Variants in IL17RB observed in about 807,000 individuals in gnomAD.
IL17RB encodes interleukin-17 receptor B.
IL17RB carries 36 observed loss-of-function variants against 43.9 expected under a neutral mutation model. The observed-to-expected ratio is 0.82, with a 90% CI of 0.63 to 1.08. The LOEUF is 1.08. Among genes scored for constraint, IL17RB ranks in the 50% least tolerant of loss-of-function variants. The pLI is 0.00. For missense variants in IL17RB, 613 were observed against 613.6 expected, an observed-to-expected ratio of 1.00 and a Z score of 0.01; for synonymous variants, 225 against 225.4, an observed-to-expected ratio of 1.00 and a Z score of 0.02.
rs146382687 is a variant in IL17RB, at chr3:53,865,610, T to C, written c.*302T>C. ...CTTCAGCCAAACATCTAGTCTTCCATAGACCATGCATTGCAGTGTACCCAG... is the reference window on the plus strand; with the variant it reads ...CTTCAGCCAAACATCTAGTCTTCCACAGACCATGCATTGCAGTGTACCCAG... On this transcript the variant is annotated 3_prime_UTR_variant, in exon 11 of 11. Transcript: ENST00000288167. The C allele has an allele frequency of 1.2e-4, 36 of 312,212 alleles. No homozygotes were observed. The highest frequency in any genetic ancestry group is 3.0e-4 in the African/African-American group (14 of 46,908). 19.3% of individuals were successfully genotyped at this position (312,212 alleles called of 1,614,324 possible). A position where few individuals can be genotyped will look rare whatever the true frequency, so the allele number is the denominator to read the frequency against.
intron 7 of IL17RB, 61 bp from the exon 8 acceptor site, chr3:53,857,555 G>C (rs1699386205): frequency 6.7e-7 from 1 of 1,484,774 alleles, no homozygotes; most frequent in African/African-American, 1.4e-5. Context: ...AAAGTGTTGG[G>C]ATTACAGGGG....
chr3:53,852,262 C>T (rs1699178854), intron 4 of IL17RB, 136 bp downstream of exon 4: 2 of 807,276 alleles, frequency 2.5e-6, no homozygotes, highest in East Asian at 2.8e-5. Context: ...CTACTTCAGC[C>T]TCCCAAGCAG....
chr3:53,847,242 C>T (rs1320592178), intron 1 of IL17RB, among the ~76,000 whole-genome samples: 7 of 152,176 alleles, frequency 4.6e-5, no homozygotes, highest in Non-Finnish European at 8.8e-5. Context: ...GCATCAAGCT[C>T]CGTAGTCACC....
At position 53,858,705 on chromosome 3, in the gene IL17RB, T is replaced by C; in HGVS notation, c.748-14T>C. ...GCATGGTGTGAACTTTCTGAGCCTCTTGTTTTTCCTCAGCTGACTCCATAT... is the reference window on the plus strand; with the variant it reads ...GCATGGTGTGAACTTTCTGAGCCTCCTGTTTTTCCTCAGCTGACTCCATAT... On this transcript the variant is annotated splice_polypyrimidine_tract_variant and intron_variant, in intron 8 of 10. Coordinates refer to ENST00000288167, the MANE Select transcript of IL17RB (RefSeq NM_018725.4). 1 of 1,613,212 alleles carries C rather than the reference T, an allele frequency of 6.2e-7. No homozygotes were observed. Among genetic ancestry groups the C allele is most frequent in the South Asian group, 1.1e-5 (1 of 90,982 alleles).
At position 53,865,771 on chromosome 3, in the gene IL17RB, T is replaced by C. The variant is rs6798958; in HGVS notation, c.*463T>C. On this transcript the variant is annotated 3_prime_UTR_variant, in exon 11 of 11. Coordinates refer to ENST00000288167, the MANE Select transcript of IL17RB (RefSeq NM_018725.4). ...ATCATTGTTTTTAAGATAACAAAAG[T>C]AGGGAATAAACAAGCTGAACCCACT... 10,025 of 154,524 alleles carry C rather than the reference T, an allele frequency of 0.065. 748 individuals are homozygous for C. The highest frequency in any genetic ancestry group is 0.17 in the African/African-American group (7,226 of 41,512). The allele number at this position is 154,524 out of a possible 1,614,324, so 9.6% of individuals were successfully genotyped here. A position where few individuals can be genotyped will look rare whatever the true frequency, so the allele number is the denominator to read the frequency against.
At chr3:53,846,723 G>T in intron 1 of IL17RB, 75 bp downstream of exon 1, 1 of 1,456,068 alleles carries the variant, frequency 6.9e-7, no homozygotes, top group Non-Finnish European at 9.3e-7. Context: ...TGATCCGCCA[G>T]TCCAGGCTGC....
At chr3:53,864,695 A>G (rs1300952671) in intron 10 of IL17RB, 51 bp from the exon 11 acceptor site, 14 of 1,359,080 alleles carry the variant, frequency 1.0e-5, no homozygotes, top group Non-Finnish European at 1.3e-5. Flanking sequence ...TACAGAGTGA[A>G]AGCCTGCTGT....
At chr3:53,863,821 A>ATTTTT (rs11318618) in intron 10 of IL17RB, among the ~76,000 whole-genome samples, 1 of 138,316 alleles carries the variant, frequency 7.2e-6, no homozygotes, top group Non-Finnish European at 1.6e-5. Context: ...ACCTCAAAGT[A>ATTTTT]TTTTTTTTTT....
chr3:53,849,229 T>TA (rs1485826841), intron 2 of IL17RB, among the ~76,000 whole-genome samples: 1 of 152,162 alleles, frequency 6.6e-6, no homozygotes, highest in African/African-American at 2.4e-5. Flanking sequence ...TCAAATACAC[T>TA]AAATATATAC....
chr3:53,853,123 T>C, intron 5 of IL17RB, 126 bp downstream of exon 5: 3 of 1,044,356 alleles, frequency 2.9e-6, no homozygotes, highest in Non-Finnish European at 4.4e-6. Context: ...TTCCCTTATC[T>C]AAAGCATGGA....
chr3:53,860,215 A>C lies in IL17RB; in HGVS notation c.933A>C (p.Leu311=). ...ATWVLVAGIY[L]MWRHERIKKT... ...GGGTGCTGGTGGCAGGGATCTATCT[A>C]ATGTGGAGGCACGGTAAGGGTTATA... Residue 311 remains leucine (L), a synonymous_variant, in exon 10 of 11, where the codon CTA becomes CTC. Coordinates refer to ENST00000288167, the MANE Select transcript of IL17RB (RefSeq NM_018725.4). 6.2e-7 allele frequency: 1 copy of C among 1,612,736 alleles called. No individual in the cohort carries two copies. Among genetic ancestry groups the C allele is most frequent in the South Asian group, 1.1e-5 (1 of 90,996 alleles).
chr3:53,851,989 A>G lies in IL17RB; in HGVS notation c.227-10A>G. 1 of 1,614,046 alleles carries G rather than the reference A, an allele frequency of 6.2e-7. No individual in the cohort carries two copies. Among genetic ancestry groups the G allele is most frequent in the Non-Finnish European group, 8.5e-7 (1 of 1,179,992 alleles). Reference sequence around the variant, plus strand: ...TAAATAAACCAATGTCCTCTTGCCTATCTCGGCAGCCAGCATCCGCTTGTT... The same window carrying G: ...TAAATAAACCAATGTCCTCTTGCCTGTCTCGGCAGCCAGCATCCGCTTGTT... On this transcript the variant is annotated splice_polypyrimidine_tract_variant and intron_variant, in intron 3 of 10. Coordinates refer to ENST00000288167, the MANE Select transcript of IL17RB (RefSeq NM_018725.4).
chr3:53,856,977 G>A lies in IL17RB; in HGVS notation c.663G>A (p.Gln221=), dbSNP rs1472327032. ...IQHSTIIGFS[Q]VFEPHQKKQT... is the part of the protein sequence containing the mutation. ...ACAGCACTATCATCGGGTTTTCTCA[G>A]GTGTTTGAGGTACTTTTTCTCTTCG... The change falls in exon 7 of 11, where the codon CAG becomes CAA. Residue 221 remains glutamine, a synonymous_variant. Coordinates refer to ENST00000288167, the MANE Select transcript of IL17RB (RefSeq NM_018725.4). The A allele has an allele frequency of 9.9e-6, 16 of 1,613,950 alleles. No individual in the cohort carries two copies. Among genetic ancestry groups the A allele is most frequent in the Non-Finnish European group, 1.4e-5 (16 of 1,180,024 alleles).
rs914000333 is a variant in IL17RB, at chr3:53,857,015, C to T, written c.672+29C>T. Reference sequence around the variant, plus strand: ...CTTTTTCTCTTCGTCCCCTTCACCTCGTCCTCCAGCTTTCCTTAGTGTGTT... The same window carrying T: ...CTTTTTCTCTTCGTCCCCTTCACCTTGTCCTCCAGCTTTCCTTAGTGTGTT... On this transcript the variant is annotated intron_variant, in intron 7 of 10. Coordinates refer to ENST00000288167, the MANE Select transcript of IL17RB (RefSeq NM_018725.4). The T allele has an allele frequency of 1.9e-5, 31 of 1,611,370 alleles. No individual in the cohort carries two copies. The Admixed American group carries it at 3.7e-4, about 19-fold the overall frequency.
At chr3:53,855,200 G>T in intron 5 of IL17RB, 94 bp from the exon 6 acceptor site, 1 of 591,252 alleles carries the variant, frequency 1.7e-6, no homozygotes, top group Non-Finnish European at 3.0e-6. Flanking sequence ...ATTTGTTACA[G>T]GTGTGGTATG....
intron 10 of IL17RB, among the ~76,000 whole-genome samples, chr3:53,864,174 G>A (rs909144308): frequency 6.6e-5 from 10 of 152,160 alleles, no homozygotes; most frequent in African/African-American, 2.4e-4. Flanking sequence ...AAAAGAGAAG[G>A]CTTGGTTGAG....
chr3:53,857,225 T>C (rs1271468822), intron 7 of IL17RB, among the ~76,000 whole-genome samples: 1 of 152,142 alleles, frequency 6.6e-6, no homozygotes, highest in East Asian at 1.9e-4. Flanking sequence ...AGGAGTCCTT[T>C]TGGGAAGCAA....
intron 3 of IL17RB, among the ~76,000 whole-genome samples, chr3:53,851,005 G>A (rs945614407): frequency 6.6e-6 from 1 of 152,138 alleles, no homozygotes; most frequent in African/African-American, 2.4e-5. Context: ...AAGGTAAGGC[G>A]AGAGATGATT....
Position 53,864,966 on chromosome 3 carries a change from A to C in IL17RB, c.1167A>C (p.Ala389=), listed in dbSNP as rs1699727842. ...VQWLATQKKA[A]DKVVFLLSND... ...GGCTTGCCACTCAAAAGAAGGCAGC[A>C]GACAAAGTCGTCTTCCTTCTTTCCA... is the stretch of plus-strand genomic sequence containing the variant. The change falls in exon 11 of 11, where the codon GCA becomes GCC. Residue 389 remains alanine, a synonymous_variant. Transcript: ENST00000288167. 6.2e-7 allele frequency: 1 copy of C among 1,614,078 alleles called. No homozygotes were observed. Among genetic ancestry groups the C allele is most frequent in the South Asian group, 1.1e-5 (1 of 91,082 alleles).
Sources: allele counts gnomAD v4.1 joint callset (sites outside exome capture counted in the v4.1 genomes callset), GRCh38; gene constraint gnomAD v4.1.1; transcripts MANE v1.5; gene names NCBI Gene and HGNC (gene_info 2026-07-23, HGNC 2026-07-21).